The following CSMD1 variants were observed in gnomAD, a reference collection of about 807,000 sequenced individuals.
CSMD1 encodes the protein CUB and Sushi multiple domains 1, also known as CUB and sushi domain-containing protein 1.
A neutral mutation model predicts 417.5 loss-of-function variants in CSMD1; 213 were observed. The observed-to-expected ratio is 0.51, with a 90% CI of 0.46 to 0.57. CSMD1 has a LOEUF of 0.57. CSMD1 is among the 20% of genes least tolerant of loss of function. CSMD1 has a pLI of 0.00. For synonymous variants in CSMD1, 2,862 were observed against 1,736.8 expected (o/e 1.65, Z -16.11); for missense variants, 6,923 against 4,529.7 (o/e 1.53, Z -15.17).
At chr8:3,632,134 T>A (rs922047704) in intron 7 of CSMD1, among the ~76,000 whole-genome samples, 2 of 152,202 alleles carry the variant, frequency 1.3e-5, no homozygotes, top group African/African-American at 4.8e-5. Context: ...TTCTTTAACA[T>A]TCCTGCTAGA....
chr8:4,372,958 T>C (rs1256200198), intron 3 of CSMD1, among the ~76,000 whole-genome samples: 1 of 152,172 alleles, frequency 6.6e-6, no homozygotes, highest in Non-Finnish European at 1.5e-5. Context: ...AAGAGTGCAG[T>C]GTGGCAAGAG....
intron 3 of CSMD1, among the ~76,000 whole-genome samples, chr8:4,357,935 G>A (rs916606709): frequency 1.3e-5 from 2 of 152,004 alleles, no homozygotes; most frequent in Admixed American, 1.3e-4. Flanking sequence ...TTAATTAAAA[G>A]CCCATTGCTA....
At chr8:4,095,515 C>A (rs985045580) in intron 3 of CSMD1, among the ~76,000 whole-genome samples, 24 of 152,112 alleles carry the variant, frequency 1.6e-4, no homozygotes, top group African/African-American at 5.6e-4. Flanking sequence ...GAAAGAATGT[C>A]CCCACTAGTA....
At position 4,945,038 on chromosome 8, in the gene CSMD1, G is replaced by A. The variant is rs542087386; in HGVS notation, c.85+49294C>T. Among the ~76,000 whole-genome samples the A allele has an allele frequency of 1.2e-4, 19 of 152,106 alleles. No homozygotes were observed. In the South Asian group the frequency reaches 3.7e-3, roughly 30 times the overall value. ...GCAGATGAATGGATAAGCAAAAGGT[G>A]GTCTCTTCACACGAAAATTATTTAT... On this transcript the variant is annotated intron_variant, in intron 1 of 69. Coordinates refer to ENST00000635120, the MANE Select transcript of CSMD1 (RefSeq NM_033225.6).
intron 1 of CSMD1, among the ~76,000 whole-genome samples, chr8:4,778,329 G>A (rs972937678): frequency 1.3e-5 from 2 of 152,016 alleles, no homozygotes; most frequent in African/African-American, 4.8e-5. Flanking sequence ...TACCATATGT[G>A]GCCTATGATA....
At chr8:4,002,365 A>T (rs946030762) in intron 4 of CSMD1, among the ~76,000 whole-genome samples, 1 of 152,188 alleles carries the variant, frequency 6.6e-6, no homozygotes, top group African/African-American at 2.4e-5. Flanking sequence ...TACTTTCTAA[A>T]CAGCAACATT....
intron 1 of CSMD1, among the ~76,000 whole-genome samples, chr8:4,758,915 G>A (rs1459788405): frequency 6.6e-5 from 10 of 152,210 alleles, no homozygotes; most frequent in Non-Finnish European, 1.3e-4. Flanking sequence ...ATTCAGTGGT[G>A]AGGGATGAGG....
At chr8:4,759,520 G>C (rs752129338) in intron 1 of CSMD1, among the ~76,000 whole-genome samples, 1 of 152,114 alleles carries the variant, frequency 6.6e-6, no homozygotes, top group Non-Finnish European at 1.5e-5. Context: ...TAGGTATTAA[G>C]CCCAGCATGC....
rs181530614 is a variant in CSMD1 at position 4,696,334 on chromosome 8, G to C, written c.86-58776C>G. On this transcript the variant is annotated intron_variant, in intron 1 of 69. Transcript: ENST00000635120. ...TAGCAATAACTTTCAAAGACTCTTAGATTATTGTTTAGTTCATCTACTATA... is the reference window on the plus strand; with the variant it reads ...TAGCAATAACTTTCAAAGACTCTTACATTATTGTTTAGTTCATCTACTATA... Among the ~76,000 whole-genome samples, 31 of 152,292 alleles carry C rather than the reference G, an allele frequency of 2.0e-4. No homozygotes were observed. The East Asian group carries it at 5.2e-3, about 26-fold the overall frequency.
intron 3 of CSMD1, among the ~76,000 whole-genome samples, chr8:4,197,706 C>G (rs1157286039): frequency 6.6e-6 from 1 of 152,136 alleles, no homozygotes; most frequent in East Asian, 1.9e-4. Flanking sequence ...TAGTGAAGCT[C>G]TGTCTCTACT....
At chr8:3,670,863 G>T (rs796890439) in intron 7 of CSMD1, among the ~76,000 whole-genome samples, 1 of 132,852 alleles carries the variant, frequency 7.5e-6, no homozygotes, top group East Asian at 2.2e-4. Flanking sequence ...TATATGTATG[G>T]GATATATATG....
At chr8:3,772,211 CACACAT>C (rs1371254064) in intron 5 of CSMD1, among the ~76,000 whole-genome samples, 2 of 139,516 alleles carry the variant, frequency 1.4e-5, no homozygotes, top group Non-Finnish European at 3.1e-5. Context: ...CACACACACA[CACACAT>C]ATAATACACA....
At chr8:4,452,118 G>A (rs1372188928) in intron 2 of CSMD1, among the ~76,000 whole-genome samples, 1 of 152,118 alleles carries the variant, frequency 6.6e-6, no homozygotes, top group Non-Finnish European at 1.5e-5. Flanking sequence ...GATGCTTCCA[G>A]AGGTCTGTAC....
chr8:4,375,643 C>A (rs1802686420), intron 3 of CSMD1, among the ~76,000 whole-genome samples: 1 of 152,010 alleles, frequency 6.6e-6, no homozygotes, highest in South Asian at 2.1e-4. Context: ...GTGGGATGGT[C>A]GCGGCTGGTG....
intron 68 of CSMD1, among the ~76,000 whole-genome samples, chr8:2,944,289 G>A (rs534176204): frequency 6.6e-6 from 1 of 152,178 alleles, no homozygotes; most frequent in Non-Finnish European, 1.5e-5. Context: ...TTTAAAATTT[G>A]TTCCATGGCT....
At position 4,565,749 on chromosome 8, in the gene CSMD1, CATATATATATATATAT is replaced by C. The variant is rs58696547; in HGVS notation, c.302+71577_302+71592del. Among the ~76,000 whole-genome samples the C allele has an allele frequency of 7.5e-3, 884 of 118,414 alleles. 9 individuals carry two copies. The highest frequency in any genetic ancestry group is 0.01 in the Non-Finnish European group (613 of 60,502). The allele number at this position is 118,414 out of a possible 152,430, so 77.7% of individuals were successfully genotyped here. A position where few individuals can be genotyped will look rare whatever the true frequency, so the allele number is the denominator to read the frequency against. ...CACTCCACCTTAAAAAAAATATATACATATATATATATATATATATATATATATATATATATATATA... is the reference window on the plus strand; with the variant it reads ...CACTCCACCTTAAAAAAAATATATACATATATATATATATATATATATATA... On this transcript the variant is annotated intron_variant, in intron 2 of 69. Coordinates refer to ENST00000635120, the MANE Select transcript of CSMD1 (RefSeq NM_033225.6).
chr8:3,456,778 C>G (rs1436891435), intron 12 of CSMD1, among the ~76,000 whole-genome samples: 1 of 152,062 alleles, frequency 6.6e-6, no homozygotes, highest in Non-Finnish European at 1.5e-5. Flanking sequence ...ATGACCCATC[C>G]CCATTGCCCA....
intron 7 of CSMD1, among the ~76,000 whole-genome samples, chr8:3,659,562 A>G (rs1337564206): frequency 6.6e-6 from 1 of 152,160 alleles, no homozygotes; most frequent in Non-Finnish European, 1.5e-5. Flanking sequence ...TCGGGGGGTT[A>G]TCATATTAGC....
At chr8:4,345,295 G>C (rs773460601) in intron 3 of CSMD1, among the ~76,000 whole-genome samples, 16 of 152,130 alleles carry the variant, frequency 1.1e-4, no homozygotes, top group Non-Finnish European at 1.9e-4. Flanking sequence ...GATTAACGAT[G>C]TTTGAACACC....
Sources: allele counts gnomAD v4.1 joint callset (sites outside exome capture counted in the v4.1 genomes callset), GRCh38; gene constraint gnomAD v4.1.1; transcripts MANE v1.5; gene names NCBI Gene and HGNC (gene_info 2026-07-23, HGNC 2026-07-21).